RTTN: variants seen among roughly 807,000 people sequenced by gnomAD.
RTTN encodes the protein rotatin.
Under a neutral mutation model 269.2 loss-of-function variants are expected in RTTN, and 182 were observed. The observed-to-expected ratio is 0.68, with a 90% CI of 0.60 to 0.76. RTTN has a LOEUF of 0.76. RTTN is among the 30% of genes least tolerant of loss of function. The pLI is 0.00. For synonymous variants in RTTN, 1,006 were observed against 963.5 expected, an observed-to-expected ratio of 1.04 and a Z score of -0.82; for missense variants, 2,545 against 2,608.6, an observed-to-expected ratio of 0.98 and a Z score of 0.53.
At position 70,176,800 on chromosome 18, in the gene RTTN, A is replaced by G. The variant is rs371250250; in HGVS notation, c.1351T>C (p.Cys451Arg). The part of the protein sequence containing the change: ...LVLGALGETM[C>R]YHKSSISLEQ... ...AAACTGATACTACTTTTATGGTAGC[A>G]CATGGTTTCTCCAAGGGCTCCCAAC... The change falls in exon 11 of 49, where the codon TGC becomes CGC. Residue 451 changes from cysteine (C) to arginine (R), a missense_variant. Coordinates refer to ENST00000640769, the MANE Select transcript of RTTN (RefSeq NM_173630.4). 5 of 1,613,914 alleles carry G rather than the reference A, an allele frequency of 3.1e-6. No homozygotes were observed. In the African/African-American group the frequency reaches 6.7e-5, roughly 22 times the overall value.
chr18:70,060,844 T>C (rs536320228), intron 35 of RTTN, among the ~76,000 whole-genome samples: 2 of 152,198 alleles, frequency 1.3e-5, no homozygotes, highest in South Asian at 4.1e-4. Flanking sequence ...CAAATATGAG[T>C]TGCAATATTT....
At position 70,086,626 on chromosome 18, in the gene RTTN, T is replaced by C. The variant is rs755281653; in HGVS notation, c.4361A>G (p.Asp1454Gly). The change falls in exon 32 of 49, where the codon GAT (aspartate) becomes GGT (glycine). Residue 1454 changes from aspartate to glycine, a missense_variant. Transcript: ENST00000640769. ...AAAATCACCCACCTGCCAAGTATAATCCTTTATAATTTCTGTAGGCATTGG... is the reference window on the plus strand; with the variant it reads ...AAAATCACCCACCTGCCAAGTATAACCCTTTATAATTTCTGTAGGCATTGG... ...VIPMPTEIIK[D>G]YTWQGPCVHD... The C allele has an allele frequency of 1.3e-5, 20 of 1,565,712 alleles. No homozygotes were observed. The East Asian group carries it at 4.4e-4, about 35-fold the overall frequency.
At chr18:70,198,846 T>C (rs2061878969) in intron 5 of RTTN, among the ~76,000 whole-genome samples, 1 of 152,130 alleles carries the variant, frequency 6.6e-6, no homozygotes, top group Non-Finnish European at 1.5e-5. Flanking sequence ...ATCTGGCCAA[T>C]AAGAGAAAAC....
In RTTN at chr18:70,204,249, G is replaced by A. The variant is rs2146202764; in HGVS notation, c.234C>T (p.Val78=). The A allele has an allele frequency of 1.9e-6, 3 of 1,611,386 alleles. No individual in the cohort carries two copies. The highest frequency in any genetic ancestry group is 2.5e-6 in the Non-Finnish European group (3 of 1,179,296). ...CTGCACCAACGTCAACCAAATGTTG[G>A]ACTGCTGGGGGATACTAAAATAAGA... is the stretch of plus-strand genomic sequence containing the variant. ...LSRLVKYPPA[V]QHLVDVGAVE... is the part of the protein sequence containing the mutation. The change falls in exon 3 of 49, where the codon GTC becomes GTT. Residue 78 remains valine, a synonymous_variant. Transcript: ENST00000640769.
At chr18:70,197,557 G>T in intron 6 of RTTN, 67 bp downstream of exon 6, 1 of 937,456 alleles carries the variant, frequency 1.1e-6, no homozygotes, top group Non-Finnish European at 1.8e-6. Flanking sequence ...CTCCTACTCT[G>T]CAAAATTTGC....
At position 70,166,955 on chromosome 18, in the gene RTTN, G is replaced by C; in HGVS notation, c.1766C>G (p.Pro589Arg). 1 of 1,613,076 alleles carries C rather than the reference G, an allele frequency of 6.2e-7. No individual in the cohort carries two copies. The highest frequency in any genetic ancestry group is 1.1e-5 in the South Asian group (1 of 91,018). ...AATGCTGATGATTTCCTTTATTAGC[G>C]GGAAATGCTGATGATAGGAAAAGCT... Reference protein sequence around the residue: ...LRSFSYHQHFPLIKEIISICS... With the variant: ...LRSFSYHQHFRLIKEIISICS... Residue 589 changes from proline (P) to arginine (R), a missense_variant, in exon 13 of 49, where the codon CCG becomes CGG. Pro to Arg is a moderately radical substitution (Grantham distance 103). Coordinates refer to ENST00000640769, the MANE Select transcript of RTTN (RefSeq NM_173630.4).
rs1017125527 is a variant in RTTN at position 70,042,366 on chromosome 18, CTTTTTTTTTTTTT to C, written c.5541+5592_5541+5604del. Among the ~76,000 whole-genome samples, 66 of 78,074 alleles carry C rather than the reference CTTTTTTTTTTTTT, an allele frequency of 8.5e-4. No individual in the cohort carries two copies. The East Asian group carries it at 9.5e-3, about 11-fold the overall frequency. The allele number at this position is 78,074 out of a possible 152,430, so 51.2% of individuals were successfully genotyped here. On this transcript the variant is annotated intron_variant, in intron 40 of 48. Transcript: ENST00000640769. Reference sequence around the variant, plus strand: ...GGAATTCTAAGGGCTTTGGAATTTTCTTTTTTTTTTTTTTTTTTTTTTTTTTTGAGACGGAGTC... The same window carrying C: ...GGAATTCTAAGGGCTTTGGAATTTTCTTTTTTTTTTTTTTGAGACGGAGTC...
At chr18:70,105,954 G>A (rs1003699208) in intron 28 of RTTN, among the ~76,000 whole-genome samples, 1 of 152,092 alleles carries the variant, frequency 6.6e-6, no homozygotes. Flanking sequence ...TAACCACTAT[G>A]TAAAAACCAT....
At chr18:70,009,967 AC>A (rs2056318757) in intron 46 of RTTN, among the ~76,000 whole-genome samples, 1 of 152,306 alleles carries the variant, frequency 6.6e-6, no homozygotes, top group East Asian at 1.9e-4. Flanking sequence ...CTTTAAACCA[AC>A]AAAGATCAAA....
intron 27 of RTTN, among the ~76,000 whole-genome samples, chr18:70,110,007 C>A (rs2059421136): frequency 6.6e-6 from 1 of 151,886 alleles, no homozygotes; most frequent in African/African-American, 2.4e-5. Flanking sequence ...TTGCTTGCGG[C>A]CAGCTTGAGC....
At chr18:70,140,218 A>C (rs769943940) in intron 19 of RTTN, 30 bp from the exon 20 acceptor site, 7 of 1,318,320 alleles carry the variant, frequency 5.3e-6, no homozygotes, top group Non-Finnish European at 6.5e-6. Flanking sequence ...CTAAAAGTTA[A>C]AGCACATTTT....
intron 35 of RTTN, among the ~76,000 whole-genome samples, 187 bp from the exon 36 acceptor site, chr18:70,060,229 C>T (rs974312282): frequency 6.6e-6 from 1 of 152,134 alleles, no homozygotes; most frequent in Non-Finnish European, 1.5e-5. Context: ...CTGACCTCCA[C>T]CTTCCACCAT....
intron 17 of RTTN, 53 bp from the exon 18 acceptor site, chr18:70,145,836 TTA>T (rs201710028): frequency 0.018 from 24,736 of 1,399,256 alleles, 289 homozygotes; most frequent in South Asian, 0.039. Flanking sequence ...AATGTCTATT[TTA>T]AAAGGGCTTG....
chr18:70,116,595 T>C (rs1281756244), intron 26 of RTTN, among the ~76,000 whole-genome samples: 1 of 152,114 alleles, frequency 6.6e-6, no homozygotes, highest in African/African-American at 2.4e-5. Context: ...CTGAAGTTTT[T>C]GTCTTTAGAC....
intron 31 of RTTN, among the ~76,000 whole-genome samples, chr18:70,086,946 T>G (rs1017012700): frequency 6.6e-6 from 1 of 152,116 alleles, no homozygotes; most frequent in African/African-American, 2.4e-5. Flanking sequence ...ATATATCTTT[T>G]CCTATTTCAG....
rs2058235819 is a variant in RTTN, at chr18:70,069,397, A to C, written c.4654-3475T>G. Among the ~76,000 whole-genome samples, 3 of 152,292 alleles carry C rather than the reference A, an allele frequency of 2.0e-5. No homozygotes were observed. The South Asian group carries it at 6.2e-4, about 32-fold the overall frequency. Reference sequence around the variant, plus strand: ...AATGGACTCAAATCTTGCTTATAAAAACTGAAAAAAATTGTTCTTCAGTGT... The same window carrying C: ...AATGGACTCAAATCTTGCTTATAAACACTGAAAAAAATTGTTCTTCAGTGT... On this transcript the variant is annotated intron_variant, in intron 34 of 48. Coordinates refer to ENST00000640769, the MANE Select transcript of RTTN (RefSeq NM_173630.4).
chr18:70,039,408 A>T (rs193045741), intron 40 of RTTN, among the ~76,000 whole-genome samples: 1 of 146,612 alleles, frequency 6.8e-6, no homozygotes. Flanking sequence ...TGCTGCAGGG[A>T]AAAAAAAAAA....
At chr18:70,014,667 A>AT (rs374033142) in intron 46 of RTTN, among the ~76,000 whole-genome samples, 47 of 148,664 alleles carry the variant, frequency 3.2e-4, no homozygotes, top group African/African-American at 8.1e-4. Flanking sequence ...CCATTCTCAC[A>AT]TTTTTTTTTT....
In RTTN at chr18:70,086,717, AAAAAAAAAAAAAAAAAG is replaced by A. The variant is rs754121780; in HGVS notation, c.4303-50_4303-34del. The A allele has an allele frequency of 1.1e-3, 1,236 of 1,160,138 alleles. 5 individuals carry two copies. Among genetic ancestry groups the A allele is most frequent in the South Asian group, 2.6e-3 (177 of 66,968 alleles). The allele number at this position is 1,160,138 out of a possible 1,614,324, so 71.9% of individuals were successfully genotyped here. The stretch of plus-strand genomic sequence containing the variant: ...TGTAAAAAAAAAAAAAAAAAAAAAA[AAAAAAAAAAAAAAAAAG>A]GTCAATACTGCCATCTTGTGGTCAT... On this transcript the variant is annotated intron_variant, in intron 31 of 48. Transcript: ENST00000640769.
Sources: allele counts gnomAD v4.1 joint callset (sites outside exome capture counted in the v4.1 genomes callset), GRCh38; gene constraint gnomAD v4.1.1; transcripts MANE v1.5; gene names NCBI Gene and HGNC (gene_info 2026-07-23, HGNC 2026-07-21).